The following CERS3 variants were observed in gnomAD, a reference collection of about 807,000 sequenced individuals.
CERS3 encodes ceramide synthase 3, also known as LAG1 homolog, ceramide synthase 3.
CERS3 carries 33 observed loss-of-function variants against 50.3 expected under a neutral mutation model. The observed-to-expected ratio is 0.66, with a 90% CI of 0.50 to 0.88. The LOEUF is 0.88. Among genes scored for constraint, CERS3 ranks in the 40% least tolerant of loss-of-function variants. The pLI is 0.00. For missense variants in CERS3, 470 were observed against 460.3 expected, an observed-to-expected ratio of 1.02 and a Z score of -0.19; for synonymous variants, 176 against 155.2, an observed-to-expected ratio of 1.13 and a Z score of -0.99.
intron 1 of CERS3, among the ~76,000 whole-genome samples, chr15:100,542,027 C>G (rs149078047): frequency 6.4e-4 from 97 of 152,232 alleles, no homozygotes; most frequent in African/African-American, 2.2e-3. Flanking sequence ...TCCATACTTT[C>G]AGCTATTTAA....
At chr15:100,470,441 G>A (rs1032251725) in intron 9 of CERS3, among the ~76,000 whole-genome samples, 1 of 152,210 alleles carries the variant, frequency 6.6e-6, no homozygotes, top group African/African-American at 2.4e-5. Flanking sequence ...CCAGAGAACA[G>A]CTTCAGTTGC....
rs1308216749 is a variant in CERS3, at chr15:100,476,081, C to T, written c.609+5G>A. ...ATAAAGAAGCTTTGTAAATAAGACACTTACCTTTCTCTTGACATCAAAGCC... is the reference window on the plus strand; with the variant it reads ...ATAAAGAAGCTTTGTAAATAAGACATTTACCTTTCTCTTGACATCAAAGCC... On this transcript the variant is annotated splice_donor_5th_base_variant and intron_variant, in intron 8 of 11. Coordinates refer to ENST00000679737, the MANE Select transcript of CERS3 (RefSeq NM_001378789.1). The T allele has an allele frequency of 6.5e-7, 1 of 1,546,998 alleles. No homozygotes were observed.
intron 3 of CERS3, among the ~76,000 whole-genome samples, chr15:100,497,589 A>G (rs954452568): frequency 6.6e-6 from 1 of 152,106 alleles, no homozygotes; most frequent in East Asian, 1.9e-4. Flanking sequence ...AAATAGAATT[A>G]AACCAAAGAT....
intron 1 of CERS3, among the ~76,000 whole-genome samples, chr15:100,525,655 C>T (rs547384774): frequency 2.0e-4 from 30 of 152,272 alleles, no homozygotes; most frequent in Non-Finnish European, 2.9e-4. Flanking sequence ...TTAATCTCTC[C>T]GTTCACTTGC....
intron 11 of CERS3, among the ~76,000 whole-genome samples, chr15:100,428,786 T>C (rs2032965716): frequency 6.6e-6 from 1 of 152,190 alleles, no homozygotes; most frequent in African/African-American, 2.4e-5. Flanking sequence ...CGTTACAGGT[T>C]TGATGCATGT....
At chr15:100,442,831 A>G in intron 11 of CERS3, among the ~76,000 whole-genome samples, 1 of 152,160 alleles carries the variant, frequency 6.6e-6, no homozygotes, top group South Asian at 2.1e-4. Flanking sequence ...TAACTCTCAC[A>G]GTGGAAGGTA....
intron 11 of CERS3, among the ~76,000 whole-genome samples, chr15:100,420,501 G>T (rs985583788): frequency 6.6e-6 from 1 of 152,082 alleles, no homozygotes; most frequent in African/African-American, 2.4e-5. Context: ...TCTACCAGAG[G>T]TACAAGGAGG....
chr15:100,441,441 C>T (rs1157831399), intron 11 of CERS3, among the ~76,000 whole-genome samples: 2 of 151,962 alleles, frequency 1.3e-5, no homozygotes, highest in Admixed American at 6.6e-5. Flanking sequence ...GCCCCAACCC[C>T]TTTCTCGCTT....
At chr15:100,417,740 G>T (rs1378534409) in intron 11 of CERS3, among the ~76,000 whole-genome samples, 2 of 151,810 alleles carry the variant, frequency 1.3e-5, no homozygotes, top group African/African-American at 2.4e-5. Flanking sequence ...ATCTGAGAAC[G>T]GGCAGACTGC....
chr15:100,446,177 G>A (rs1448684933), intron 11 of CERS3, among the ~76,000 whole-genome samples: 1 of 152,118 alleles, frequency 6.6e-6, no homozygotes, highest in African/African-American at 2.4e-5. Context: ...CCTGTTTGGT[G>A]GTCTCTTCAC....
At chr15:100,533,895 G>C (rs1462859201), upstream of CERS3, among the ~76,000 whole-genome samples, 1 of 152,216 alleles carries the variant, frequency 6.6e-6, no homozygotes, top group Non-Finnish European at 1.5e-5. Context: ...AGTATGCTGT[G>C]TCATGAAGGA....
At chr15:100,438,123 C>A (rs962661663) in intron 11 of CERS3, among the ~76,000 whole-genome samples, 14 of 142,028 alleles carry the variant, frequency 9.9e-5, no homozygotes, top group Middle Eastern at 8.8e-3. Context: ...TGGCTCACTG[C>A]AACCTCCACC....
chr15:100,494,413 A>G (rs1395324991), intron 3 of CERS3, among the ~76,000 whole-genome samples: 1 of 151,232 alleles, frequency 6.6e-6, no homozygotes, highest in Non-Finnish European at 1.5e-5. Context: ...ACGCCCAGCT[A>G]ATTTTTTTTA....
chr15:100,531,408 T>C (rs529782000), upstream of CERS3, among the ~76,000 whole-genome samples: 60 of 152,260 alleles, frequency 3.9e-4, no homozygotes, highest in Non-Finnish European at 7.2e-4. Context: ...GTGAAGACTT[T>C]GTGGGAGCTG....
chr15:100,520,025 C>T (rs1197558581), intron 2 of CERS3, among the ~76,000 whole-genome samples: 1 of 152,210 alleles, frequency 6.6e-6, no homozygotes, highest in Non-Finnish European at 1.5e-5. Context: ...TCCATGCCCC[C>T]TTTCCAGACT....
intron 11 of CERS3, among the ~76,000 whole-genome samples, chr15:100,423,465 G>A (rs1051742065): frequency 5.9e-5 from 9 of 152,116 alleles, no homozygotes; most frequent in Admixed American, 2.0e-4. Flanking sequence ...CATGTCCTTT[G>A]GAACAACATG....
chr15:100,452,566 T>C (rs1053251159), intron 11 of CERS3, among the ~76,000 whole-genome samples: 21 of 152,012 alleles, frequency 1.4e-4, no homozygotes, highest in Non-Finnish European at 2.9e-4. Flanking sequence ...AAAGATGTCA[T>C]ATAAAAAATC....
chr15:100,416,364 C>T (rs537077655), intron 11 of CERS3, among the ~76,000 whole-genome samples: 6 of 152,286 alleles, frequency 3.9e-5, no homozygotes, highest in Non-Finnish European at 7.3e-5. Context: ...ACAAAGTTGA[C>T]AAAAACAAGC....
intron 1 of CERS3, among the ~76,000 whole-genome samples, chr15:100,527,205 G>A (rs753470866): frequency 3.9e-5 from 6 of 152,148 alleles, no homozygotes; most frequent in African/African-American, 7.2e-5. Flanking sequence ...GCTGAGGCAC[G>A]AGAATCGCTT....
Sources: allele counts gnomAD v4.1 joint callset (sites outside exome capture counted in the v4.1 genomes callset), GRCh38; gene constraint gnomAD v4.1.1; transcripts MANE v1.5; gene names NCBI Gene and HGNC (gene_info 2026-07-23, HGNC 2026-07-21).